Variants in USH2A observed in about 807,000 individuals in gnomAD.
USH2A encodes the protein usherin.
USH2A carries 443 observed loss-of-function variants against 538.9 expected under a neutral mutation model. That is an observed-to-expected ratio of 0.82 (90% CI 0.76 to 0.89). The LOEUF is 0.89. Among genes scored for constraint, USH2A ranks in the 40% least tolerant of loss-of-function variants. USH2A has a pLI of 0.00. For missense variants in USH2A, 6,633 were observed against 6,324.8 expected (o/e 1.05, Z -1.65); for synonymous variants, 2,413 against 2,273.5 (o/e 1.06, Z -1.75).
chr1:216,317,377 C>T (rs1230141477), intron 9 of USH2A, among the ~76,000 whole-genome samples: 1 of 152,008 alleles, frequency 6.6e-6, no homozygotes, highest in East Asian at 1.9e-4. Context: ...GAACAACACA[C>T]ATTGGGGCCT....
intron 60 of USH2A, among the ~76,000 whole-genome samples, chr1:215,733,111 G>A (rs1219305194): frequency 6.8e-6 from 1 of 147,786 alleles, no homozygotes; most frequent in Admixed American, 7.0e-5. Context: ...GCTTATGAGA[G>A]ACTCAGGAAG....
intron 49 of USH2A, among the ~76,000 whole-genome samples, chr1:215,802,194 T>C (rs900985441): frequency 3.3e-5 from 5 of 152,004 alleles, no homozygotes; most frequent in African/African-American, 1.2e-4. Flanking sequence ...GGAAATTTCA[T>C]GACATTGGGT....
intron 32 of USH2A, among the ~76,000 whole-genome samples, chr1:216,025,007 A>G (rs1668930096): frequency 6.6e-6 from 1 of 151,990 alleles, no homozygotes; most frequent in Non-Finnish European, 1.5e-5. Flanking sequence ...GAACTAATTT[A>G]GGTAAATACT....
At chr1:215,991,163 A>T (rs1667995399) in intron 35 of USH2A, among the ~76,000 whole-genome samples, 1 of 152,178 alleles carries the variant, frequency 6.6e-6, no homozygotes, top group Admixed American at 6.6e-5. Flanking sequence ...TTTTGACTCT[A>T]GGCCTATTTG....
At chr1:216,351,491 G>A (rs1317484425) in intron 4 of USH2A, among the ~76,000 whole-genome samples, 2 of 152,120 alleles carry the variant, frequency 1.3e-5, no homozygotes, top group African/African-American at 2.4e-5. Context: ...TGTAAAACAA[G>A]GAGAACAAAA....
chr1:215,894,829 G>C (rs1665287853), intron 40 of USH2A, among the ~76,000 whole-genome samples: 1 of 152,158 alleles, frequency 6.6e-6, no homozygotes, highest in Non-Finnish European at 1.5e-5. Context: ...CCCTCTTCAG[G>C]TCTCATATGT....
chr1:216,101,788 C>G lies in USH2A; in HGVS notation c.4628-4575G>C, dbSNP rs7514857. Among the ~76,000 whole-genome samples, 675 of 152,236 alleles carry G rather than the reference C, an allele frequency of 4.4e-3. 8 individuals carry two copies. Among genetic ancestry groups the G allele is most frequent in the African/African-American group, 0.015 (635 of 41,528 alleles). On this transcript the variant is annotated intron_variant, in intron 21 of 71. Coordinates refer to ENST00000307340, the MANE Select transcript of USH2A (RefSeq NM_206933.4). ...AAACAATAGAGCATTTCATGCATCT[C>G]TATATTCATTCATTCAGGAAATATT...
intron 55 of USH2A, among the ~76,000 whole-genome samples, chr1:215,774,318 C>T (rs561602140): frequency 5.2e-4 from 79 of 152,018 alleles, no homozygotes; most frequent in African/African-American, 1.8e-3. Flanking sequence ...GATCCCAAGA[C>T]GCCTTTCCTA....
intron 25 of USH2A, 40 bp downstream of exon 25, chr1:216,084,658 A>T: frequency 1.9e-6 from 3 of 1,603,902 alleles, no homozygotes; most frequent in Non-Finnish European, 2.6e-6. Context: ...GATAGAACAT[A>T]GATTTTAAGT....
intron 37 of USH2A, among the ~76,000 whole-genome samples, chr1:215,959,159 AT>A (rs71556644): frequency 0.24 from 36,817 of 151,748 alleles, 4,910 homozygotes; most frequent in Non-Finnish European, 0.3. Context: ...ATATTATAGA[AT>A]TTTTTTTAAG....
At chr1:215,910,021 A>T (rs892750345) in intron 38 of USH2A, among the ~76,000 whole-genome samples, 1 of 151,994 alleles carries the variant, frequency 6.6e-6, no homozygotes, top group African/African-American at 2.4e-5. Flanking sequence ...GAGCATATAC[A>T]TAAGGAAGGT....
rs2031508616 is a variant in USH2A, at chr1:216,070,114, T to C, written c.6036A>G (p.Thr2012=). 1 of 1,613,970 alleles carries C rather than the reference T, an allele frequency of 6.2e-7. No individual in the cohort carries two copies. The highest frequency in any genetic ancestry group is 1.3e-5 in the African/African-American group (1 of 75,040). Residue 2012 remains threonine, a synonymous_variant, in exon 30 of 72, where the codon ACA becomes ACG. Coordinates refer to ENST00000307340, the MANE Select transcript of USH2A (RefSeq NM_206933.4). ...MPSASAEFVN[T]SNLTGILTGL... is the part of the protein sequence containing the mutation. The stretch of plus-strand genomic sequence containing the variant: ...GATTGCATTTACCTGTGAGGTTGCT[T>C]GTATTGACAAATTCAGCACTGGCAG...
intron 3 of USH2A, among the ~76,000 whole-genome samples, chr1:216,401,660 A>G (rs1311009896): frequency 6.6e-6 from 1 of 152,086 alleles, no homozygotes; most frequent in Non-Finnish European, 1.5e-5. Context: ...AGTAACTATC[A>G]AATAGCATAG....
intron 61 of USH2A, among the ~76,000 whole-genome samples, chr1:215,726,782 C>T (rs1659831063): frequency 6.6e-6 from 1 of 152,142 alleles, no homozygotes; most frequent in Admixed American, 6.5e-5. Flanking sequence ...GAGTTGATCT[C>T]CCAGAGCATT....
intron 44 of USH2A, among the ~76,000 whole-genome samples, chr1:215,846,909 C>CT (rs1322110504): frequency 2.0e-5 from 3 of 152,174 alleles, no homozygotes; most frequent in African/African-American, 7.2e-5. Context: ...AGCAGGGCTA[C>CT]ATAGCATGCT....
At chr1:215,911,107 C>G (rs1010153840) in intron 38 of USH2A, among the ~76,000 whole-genome samples, 18 of 151,498 alleles carry the variant, frequency 1.2e-4, no homozygotes, top group African/African-American at 4.4e-4. Context: ...TTTATTGGGG[C>G]ACATGAGATG....
At chr1:215,666,817 C>G (rs922838242) in intron 64 of USH2A, among the ~76,000 whole-genome samples, 1 of 152,164 alleles carries the variant, frequency 6.6e-6, no homozygotes, top group African/African-American at 2.4e-5. Flanking sequence ...CTAGGCCAGG[C>G]GCGGTGGCTC....
At chr1:216,329,363 G>T (rs75301431) in intron 4 of USH2A, among the ~76,000 whole-genome samples, 1,721 of 152,244 alleles carry the variant, frequency 0.011, 26 homozygotes, top group East Asian at 0.036. Flanking sequence ...ATGGTAGAAA[G>T]ATGGACATGT....
chr1:215,919,304 A>G (rs1201862209), intron 38 of USH2A, among the ~76,000 whole-genome samples: 1 of 152,122 alleles, frequency 6.6e-6, no homozygotes, highest in Non-Finnish European at 1.5e-5. Context: ...CAACGTAACA[A>G]CTACTATGTG....
Sources: allele counts gnomAD v4.1 joint callset (sites outside exome capture counted in the v4.1 genomes callset), GRCh38; gene constraint gnomAD v4.1.1; transcripts MANE v1.5; gene names NCBI Gene and HGNC (gene_info 2026-07-23, HGNC 2026-07-21).